The following LPP variants were observed in gnomAD, a reference collection of about 807,000 sequenced individuals.
The protein encoded by LPP is lipoma-preferred partner.
LPP carries 38 observed loss-of-function variants against 60.4 expected under a neutral mutation model. The observed-to-expected ratio is 0.63, with a 90% CI of 0.49 to 0.83. The LOEUF is 0.83. Among genes scored for constraint, LPP ranks in the 40% least tolerant of loss-of-function variants. LPP has a pLI of 0.00. For missense variants in LPP, 902 were observed against 783.6 expected (o/e 1.15, Z -1.80); for synonymous variants, 328 against 290.8 (o/e 1.13, Z -1.30).
chr3:188,318,979 C>G (rs376860212), intron 2 of LPP, among the ~76,000 whole-genome samples: 1,637 of 151,642 alleles, frequency 0.011, 32 homozygotes, highest in African/African-American at 0.039. Context: ...GGGATGGTCT[C>G]GATCTCCTGA....
chr3:188,285,545 T>C (rs909282090), intron 2 of LPP, among the ~76,000 whole-genome samples: 1 of 152,138 alleles, frequency 6.6e-6, no homozygotes, highest in African/African-American at 2.4e-5. Context: ...ATTACAGGTA[T>C]GTGCCATCAT....
At chr3:188,687,066 G>A (rs1021507898) in intron 7 of LPP, among the ~76,000 whole-genome samples, 6 of 152,222 alleles carry the variant, frequency 3.9e-5, no homozygotes, top group Admixed American at 3.3e-4. Flanking sequence ...CAACAGCTTT[G>A]CTGTGCTTGT....
chr3:188,797,178 G>A (rs1396976330), intron 9 of LPP, among the ~76,000 whole-genome samples: 1 of 151,654 alleles, frequency 6.6e-6, no homozygotes, highest in African/African-American at 2.4e-5. Flanking sequence ...AACACAGCAG[G>A]GCTCTATGCA....
chr3:188,411,106 C>T (rs1784792917), intron 4 of LPP, among the ~76,000 whole-genome samples: 1 of 152,026 alleles, frequency 6.6e-6, no homozygotes, highest in South Asian at 2.1e-4. Flanking sequence ...ATATATACCA[C>T]AATTTTTTAT....
rs1028816339 is a variant in LPP, at chr3:188,877,435, A to T, written c.*2956A>T. ...AAGAGAGACATGGAAAAGGAAAAAA[A>T]TCCACTATATCATGGGCTCTGCAGA... On this transcript the variant is annotated 3_prime_UTR_variant, in exon 12 of 12. Transcript: ENST00000617246. 4.3e-5 allele frequency: 8 copies of T among 186,282 alleles called. No individual in the cohort carries two copies. The highest frequency in any genetic ancestry group is 7.9e-5 in the Non-Finnish European group (7 of 88,052). 11.5% of individuals were successfully genotyped at this position (186,282 alleles called of 1,614,324 possible). A position where few individuals can be genotyped will look rare whatever the true frequency, so the allele number is the denominator to read the frequency against.
At chr3:188,713,579 T>C (rs1712533096) in intron 8 of LPP, among the ~76,000 whole-genome samples, 2 of 152,168 alleles carry the variant, frequency 1.3e-5, no homozygotes, top group Admixed American at 1.3e-4. Flanking sequence ...ACAGTTTTAT[T>C]TTGAAATATT....
chr3:188,741,061 A>G (rs971822843), intron 8 of LPP, among the ~76,000 whole-genome samples: 1 of 151,802 alleles, frequency 6.6e-6, no homozygotes, highest in Admixed American at 6.6e-5. Flanking sequence ...ACAATCCCCC[A>G]CTTCTTATAA....
At chr3:188,781,826 A>G (rs1404025906) in intron 9 of LPP, among the ~76,000 whole-genome samples, 2 of 150,770 alleles carry the variant, frequency 1.3e-5, no homozygotes, top group African/African-American at 4.9e-5. Flanking sequence ...CGGGAGGCGG[A>G]CGTTGCAGTG....
intron 1 of LPP, among the ~76,000 whole-genome samples, chr3:188,200,381 CTG>C (rs1730760693): frequency 2.0e-5 from 3 of 151,962 alleles, no homozygotes; most frequent in African/African-American, 2.4e-5. Flanking sequence ...TCCCGAGTAA[CTG>C]TGATTACAGG....
At chr3:188,384,773 G>A (rs375255446) in intron 3 of LPP, among the ~76,000 whole-genome samples, 4 of 102,082 alleles carry the variant, frequency 3.9e-5, no homozygotes, top group African/African-American at 1.5e-4. Flanking sequence ...CTGGGCGACA[G>A]AGCGAGACTC....
rs1553882131 is a variant in LPP, at chr3:188,886,764, A to ACC, written c.*12288_*12289dup. 4.5e-6 allele frequency: 1 copy of ACC among 223,298 alleles called. No individual in the cohort carries two copies. The highest frequency in any genetic ancestry group is 2.4e-5 in the African/African-American group (1 of 41,810). The allele number at this position is 223,298 out of a possible 1,614,324, so 13.8% of individuals were successfully genotyped here. A position where few individuals can be genotyped will look rare whatever the true frequency, so the allele number is the denominator to read the frequency against. ...CACACACACACACACACACACACAC[A>ACC]CCCCTTCCAAGAAAGCTGATCCTTC... On this transcript the variant is annotated 3_prime_UTR_variant, in exon 12 of 12. Coordinates refer to ENST00000617246, the MANE Select transcript of LPP (RefSeq NM_001375462.1).
intron 1 of LPP, among the ~76,000 whole-genome samples, chr3:188,223,686 C>T (rs967087375): frequency 6.6e-6 from 1 of 152,130 alleles, no homozygotes; most frequent in Non-Finnish European, 1.5e-5. Context: ...TCTGGGAAGT[C>T]AGATGCCCTT....
At chr3:188,419,103 G>C (rs1486501649) in intron 4 of LPP, among the ~76,000 whole-genome samples, 1 of 152,100 alleles carries the variant, frequency 6.6e-6, no homozygotes, top group African/African-American at 2.4e-5. Context: ...CTTGAGGTGA[G>C]AGTAAAGTGT....
At chr3:188,193,384 G>T (rs1049561685) in intron 1 of LPP, among the ~76,000 whole-genome samples, 8 of 152,156 alleles carry the variant, frequency 5.3e-5, no homozygotes, top group Non-Finnish European at 8.8e-5. Flanking sequence ...CTGTGTCTCG[G>T]TTTCCTTACC....
At chr3:188,754,286 C>G (rs2150374694) in intron 8 of LPP, among the ~76,000 whole-genome samples, 1 of 152,264 alleles carries the variant, frequency 6.6e-6, no homozygotes, top group African/African-American at 2.4e-5. Context: ...GCTGATTCTG[C>G]TCATGTATAT....
intron 8 of LPP, 130 bp downstream of exon 8, chr3:188,708,523 C>A: frequency 8.5e-7 from 1 of 1,178,218 alleles, no homozygotes. Flanking sequence ...GATATACATC[C>A]CCGCACAACT....
chr3:188,487,854 T>C (rs1807048068), intron 5 of LPP, among the ~76,000 whole-genome samples: 1 of 152,174 alleles, frequency 6.6e-6, no homozygotes, highest in Non-Finnish European at 1.5e-5. Flanking sequence ...AGACTGTTTA[T>C]GTTTCCAGCC....
intron 7 of LPP, among the ~76,000 whole-genome samples, chr3:188,661,349 A>C (rs1854535111): frequency 6.6e-6 from 1 of 152,162 alleles, no homozygotes; most frequent in Non-Finnish European, 1.5e-5. Flanking sequence ...CATTTGGGTA[A>C]ATACCAAGGA....
intron 5 of LPP, among the ~76,000 whole-genome samples, chr3:188,495,092 T>C (rs1809704271): frequency 2.7e-5 from 1 of 36,708 alleles, no homozygotes; most frequent in Non-Finnish European, 8.7e-5. Context: ...ATTTTATTTA[T>C]ATTTTATTAT....
Sources: gnomAD v4.1 joint callset for allele counts (sites outside exome capture counted in the v4.1 genomes callset) on GRCh38, gnomAD v4.1.1 for gene constraint, MANE v1.5 for transcripts, NCBI Gene and HGNC (gene_info 2026-07-23, HGNC 2026-07-21) for gene names.